The following ETS1 variants were observed in gnomAD, a reference collection of about 807,000 sequenced individuals.
ETS1 encodes the protein protein C-ets-1.
ETS1 carries 15 observed loss-of-function variants against 58.6 expected under a neutral mutation model. The observed-to-expected ratio is 0.26, with a 90% CI of 0.17 to 0.39. The LOEUF is 0.39. Ranked by LOEUF, ETS1 falls within the 10% of genes least tolerant of loss-of-function variation. ETS1 has a pLI of 1.00. For missense variants in ETS1, 417 were observed against 610.5 expected, an observed-to-expected ratio of 0.68 and a Z score of 3.34; for synonymous variants, 214 against 218.2, an observed-to-expected ratio of 0.98 and a Z score of 0.17.
chr11:128,489,545 A>G, intron 4 of ETS1, 55 bp from the exon 5 acceptor site: 1 of 1,438,696 alleles, frequency 7.0e-7, no homozygotes, highest in East Asian at 2.3e-5. Context: ...ACTCCTATCC[A>G]AGCCTCAGAG....
intron 5 of ETS1, among the ~76,000 whole-genome samples, chr11:128,487,693 C>T (rs1199055474): frequency 2.6e-5 from 4 of 152,056 alleles, no homozygotes; most frequent in Admixed American, 6.5e-5. Context: ...GAGCCGACAT[C>T]GCGCGACTGC....
In ETS1 at chr11:128,585,136, A is replaced by AAAGAAAAG. The variant is rs1555093100; in HGVS notation, c.-15+2351_-15+2352insCTTTTCTT. ...GGAAGGAAAGAAAGAAGAAAGAAAGAAAAGAAAGAAAGAAAGAAAGAAAGA... is the reference window on the plus strand; with the variant it reads ...GGAAGGAAAGAAAGAAGAAAGAAAGAAAGAAAAGAAAGAAAGAAAGAAAGAAAGAAAGA... On this transcript the variant is annotated intron_variant, in intron 1 of 9. Coordinates refer to ENST00000392668, the MANE Select transcript of ETS1 (RefSeq NM_001143820.2). Among the ~76,000 whole-genome samples, 25 of 13,950 alleles carry AAAGAAAAG rather than the reference A, an allele frequency of 1.8e-3. 5 individuals are homozygous for AAAGAAAAG. Among genetic ancestry groups the AAAGAAAAG allele is most frequent in the Admixed American group, 3.3e-3 (4 of 1,196 alleles). The allele number at this position is 13,950 out of a possible 152,430, so 9.2% of individuals were successfully genotyped here. A position where few individuals can be genotyped will look rare whatever the true frequency, so the allele number is the denominator to read the frequency against.
chr11:128,580,706 C>T (rs1027257731), intron 1 of ETS1, among the ~76,000 whole-genome samples: 17 of 152,166 alleles, frequency 1.1e-4, no homozygotes, highest in African/African-American at 4.1e-4. Context: ...CTACTGTCTT[C>T]TGTGTCTTAA....
rs1276479062 is a variant in ETS1, at chr11:128,460,967, A to G, written c.*1394T>C. 6.6e-6 allele frequency: 1 copy of G among 152,348 alleles called. No individual in the cohort carries two copies. Among genetic ancestry groups the G allele is most frequent in the African/African-American group, 2.4e-5 (1 of 41,462 alleles). The allele number at this position is 152,348 out of a possible 1,614,324, so 9.4% of individuals were successfully genotyped here. ...CGGACTAATTTAAATTCTTCAAAGG[A>G]AAGCCTTGCACTTCTCTTCCAAAGA... On this transcript the variant is annotated 3_prime_UTR_variant, in exon 10 of 10. Transcript: ENST00000392668.
At chr11:128,479,186 C>T (rs140341416) in intron 8 of ETS1, among the ~76,000 whole-genome samples, 1 of 152,314 alleles carries the variant, frequency 6.6e-6, no homozygotes, top group African/African-American at 2.4e-5. Context: ...TCAGCATACT[C>T]TAAGGATCAG....
rs1861903518 is a variant in ETS1 at position 128,461,472 on chromosome 11, G to T, written c.*889C>A. ...GCTCAACATTAAGTCCAAACCCCGA[G>T]AATCCACTGATAACAAGTAAGTAAA... On this transcript the variant is annotated 3_prime_UTR_variant, in exon 10 of 10. Coordinates refer to ENST00000392668, the MANE Select transcript of ETS1 (RefSeq NM_001143820.2). 6.6e-6 allele frequency: 1 copy of T among 152,596 alleles called. No individual in the cohort carries two copies. Among genetic ancestry groups the T allele is most frequent in the South Asian group, 2.1e-4 (1 of 4,812 alleles). 9.5% of individuals were successfully genotyped at this position (152,596 alleles called of 1,614,324 possible).
At chr11:128,502,251 C>A (rs1054869621) in intron 3 of ETS1, among the ~76,000 whole-genome samples, 1 of 152,126 alleles carries the variant, frequency 6.6e-6, no homozygotes, top group Non-Finnish European at 1.5e-5. Flanking sequence ...CTTTTTTCTT[C>A]GTATAGTTGC....
chr11:128,585,994 T>C (rs79369463), intron 1 of ETS1, among the ~76,000 whole-genome samples: 2,801 of 152,214 alleles, frequency 0.018, 90 homozygotes, highest in African/African-American at 0.061. Context: ...CTCTACCAGC[T>C]TCCCCCAGGC....
intron 2 of ETS1, among the ~76,000 whole-genome samples, chr11:128,569,400 T>C (rs1171543978): frequency 7.2e-6 from 1 of 139,196 alleles, no homozygotes; most frequent in East Asian, 2.3e-4. Flanking sequence ...ACTTGGATTA[T>C]TGGATTAAGC....
At position 128,480,411 on chromosome 11, in the gene ETS1, G is replaced by C; in HGVS notation, c.903C>G (p.Ser301Arg). 6.2e-7 allele frequency: 1 copy of C among 1,613,908 alleles called. No homozygotes were observed. The highest frequency in any genetic ancestry group is 8.5e-7 in the Non-Finnish European group (1 of 1,179,958). The change falls in exon 8 of 10, where the codon AGC becomes AGG. Residue 301 changes from serine to arginine, a missense_variant. Physicochemically the swap from Ser to Arg is moderately radical, Grantham distance 110. Around this residue, in one of 4 missense-constraint regions of ETS1, gnomAD observed 139 missense variants for 152.1 expected, o/e 0.91. Transcript: ENST00000392668. ...GGQDSFESIE[S>R]YDSCDRLTQS... ...GGGTGAGGCGATCACAACTATCGTA[G>C]CTCTCTATGCTTTCAAAAGAGTCCT...
At chr11:128,512,655 G>A (rs756661609) in intron 3 of ETS1, among the ~76,000 whole-genome samples, 90 of 152,240 alleles carry the variant, frequency 5.9e-4, no homozygotes, top group Non-Finnish European at 1.0e-3. Context: ...ATCAGCCGGT[G>A]GCCACCTAGA....
intron 3 of ETS1, among the ~76,000 whole-genome samples, chr11:128,495,235 A>G (rs1452594377): frequency 6.6e-6 from 1 of 152,190 alleles, no homozygotes; most frequent in Non-Finnish European, 1.5e-5. Context: ...CTTAAAGTTC[A>G]GGGTCTTTCT....
chr11:128,564,033 G>A (rs543011125), intron 2 of ETS1, among the ~76,000 whole-genome samples: 1 of 149,480 alleles, frequency 6.7e-6, no homozygotes, highest in South Asian at 2.1e-4. Flanking sequence ...CTACGGATAG[G>A]CTGTTTGGCA....
chr11:128,558,339 A>C (rs1481676046), intron 2 of ETS1, among the ~76,000 whole-genome samples: 1 of 152,180 alleles, frequency 6.6e-6, no homozygotes, highest in Non-Finnish European at 1.5e-5. Context: ...TACACTACTG[A>C]GCATCAGTCA....
intron 6 of ETS1, 137 bp downstream of exon 6, chr11:128,485,932 G>GT (rs1302684509): frequency 1.6e-6 from 1 of 613,046 alleles, no homozygotes; most frequent in South Asian, 2.1e-5. Context: ...ATAAAATAAA[G>GT]TAACAAAGAA....
intron 7 of ETS1, among the ~76,000 whole-genome samples, chr11:128,484,359 A>C (rs1292564234): frequency 6.6e-6 from 1 of 152,176 alleles, no homozygotes; most frequent in African/African-American, 2.4e-5. Context: ...GCTGGCCAGC[A>C]GAGGTCATTC....
intron 5 of ETS1, among the ~76,000 whole-genome samples, chr11:128,486,467 G>A (rs547674267): frequency 2.0e-5 from 3 of 152,228 alleles, no homozygotes; most frequent in African/African-American, 4.8e-5. Flanking sequence ...CGTGTATGTC[G>A]ACCACACTAT....
intron 3 of ETS1, among the ~76,000 whole-genome samples, chr11:128,496,971 A>G (rs1388818273): frequency 3.3e-5 from 5 of 152,206 alleles, no homozygotes; most frequent in Admixed American, 2.0e-4. Flanking sequence ...TAAATGACTC[A>G]GTGCCCATGC....
intron 3 of ETS1, among the ~76,000 whole-genome samples, chr11:128,509,644 C>T (rs1208133481): frequency 7.3e-5 from 11 of 150,336 alleles, no homozygotes; most frequent in Non-Finnish European, 1.5e-4. Flanking sequence ...TCTTCCTGCC[C>T]CTATAATGAC....
Sources: gnomAD v4.1 joint callset for allele counts (sites outside exome capture counted in the v4.1 genomes callset) on GRCh38, gnomAD v4.1.1 for gene constraint, gnomAD v4.1.1 regional missense constraint, MANE v1.5 for transcripts, NCBI Gene and HGNC (gene_info 2026-07-23, HGNC 2026-07-21) for gene names.